Variants in CHD2 observed in about 807,000 individuals in gnomAD.
CHD2 encodes the protein chromodomain helicase DNA binding protein 2.
In CHD2, 28 loss-of-function variants were observed where a neutral mutation model predicts 243.9. The observed-to-expected ratio is 0.11, with a 90% CI of 0.09 to 0.16. CHD2 has a LOEUF of 0.16. Among genes scored for constraint, CHD2 ranks in the 10% least tolerant of loss-of-function variants. The probability of loss-of-function intolerance (pLI) is 1.00; values close to 1 mark genes in which losing one functional copy is unlikely to be tolerated. For synonymous variants in CHD2, 775 were observed against 779.0 expected (o/e 0.99, Z 0.09); for missense variants, 1,386 against 2,209.8 (o/e 0.63, Z 7.47).
chr15:92,904,869 G>A (rs1170752008), intron 2 of CHD2: 7 of 1,526,956 alleles, frequency 4.6e-6, no homozygotes, highest in South Asian at 1.2e-5. Flanking sequence ...TTTTATTTTA[G>A]TGAAAACCTC....
At chr15:92,979,975 AAAT>A (rs2053957123) in intron 22 of CHD2, among the ~76,000 whole-genome samples, 1 of 151,688 alleles carries the variant, frequency 6.6e-6, no homozygotes, top group African/African-American at 2.4e-5. Context: ...ATAATAATAA[AAAT>A]AAGTTTACAT....
chr15:92,971,451 G>C, intron 17 of CHD2, among the ~76,000 whole-genome samples: 1 of 149,506 alleles, frequency 6.7e-6, no homozygotes, highest in Admixed American at 7.6e-5. Context: ...ATGTATGTAT[G>C]TGTGTGTGTG....
Position 92,985,485 on chromosome 15 carries a change from C to T in CHD2, c.3238-13C>T, listed in dbSNP as rs368489730. ...CACTTGTTACAGTGTGACTTTGCCT[C>T]GATCTTTCTCAGGCTCAGACAAATG... is the stretch of plus-strand genomic sequence containing the variant. On this transcript the variant is annotated splice_polypyrimidine_tract_variant and intron_variant, in intron 25 of 38. Coordinates refer to ENST00000394196, the MANE Select transcript of CHD2 (RefSeq NM_001271.4). 3.7e-6 allele frequency: 6 copies of T among 1,601,914 alleles called. No homozygotes were observed. The East Asian group carries it at 6.7e-5, about 18-fold the overall frequency.
intron 16 of CHD2, among the ~76,000 whole-genome samples, chr15:92,959,110 G>T (rs1033773411): frequency 3.9e-5 from 6 of 152,148 alleles, no homozygotes. Flanking sequence ...TTAATTTATG[G>T]ATTTCTTTGT....
At chr15:92,936,779 T>A (rs1165087027) in intron 5 of CHD2, among the ~76,000 whole-genome samples, 1 of 152,112 alleles carries the variant, frequency 6.6e-6, no homozygotes, top group Non-Finnish European at 1.5e-5. Context: ...GAAATTCATA[T>A]TTTTTAGGCC....
At position 93,019,942 on chromosome 15, in the gene CHD2, A is replaced by T. The variant is rs1314593753; in HGVS notation, c.4907-70A>T. ...GAGCACGACTCCATCTCCAAAAAAA[A>T]AAAAATTGTAGTGAAAGTGAAATTC... is the stretch of plus-strand genomic sequence containing the variant. On this transcript the variant is annotated intron_variant, in intron 37 of 38. Transcript: ENST00000394196. The T allele has an allele frequency of 1.9e-6, 3 of 1,545,878 alleles. No individual in the cohort carries two copies. In the African/African-American group the frequency reaches 4.2e-5, roughly 21 times the overall value.
chr15:92,903,095 T>C (rs2052553491), intron 2 of CHD2, among the ~76,000 whole-genome samples: 1 of 152,226 alleles, frequency 6.6e-6, no homozygotes, highest in Admixed American at 6.5e-5. Context: ...TTTAAGACTC[T>C]TTGAAAAGAA....
At chr15:92,940,589 A>G (rs1168734998) in intron 7 of CHD2, among the ~76,000 whole-genome samples, 1 of 151,580 alleles carries the variant, frequency 6.6e-6, no homozygotes, top group Non-Finnish European at 1.5e-5. Flanking sequence ...AGAGATATTC[A>G]TAACTTATTC....
chr15:92,976,418 G>C (rs1018397193), intron 20 of CHD2, among the ~76,000 whole-genome samples: 2 of 152,230 alleles, frequency 1.3e-5, no homozygotes, highest in African/African-American at 4.8e-5. Context: ...ACAACTTGCT[G>C]TTCACGTCTT....
At chr15:92,988,948 T>C (rs1297909283) in intron 26 of CHD2, among the ~76,000 whole-genome samples, 2 of 152,004 alleles carry the variant, frequency 1.3e-5, no homozygotes, top group East Asian at 3.8e-4. Flanking sequence ...CCTTGTCTTA[T>C]AAGCCTACAT....
At chr15:92,968,664 G>A (rs959496703) in intron 17 of CHD2, among the ~76,000 whole-genome samples, 1 of 152,132 alleles carries the variant, frequency 6.6e-6, no homozygotes, top group African/African-American at 2.4e-5. Context: ...AGTTCATGTA[G>A]GAAAGGCAGA....
At chr15:92,985,319 A>T (rs1361743579) in intron 25 of CHD2, among the ~76,000 whole-genome samples, 179 bp from the exon 26 acceptor site, 1 of 152,222 alleles carries the variant, frequency 6.6e-6, no homozygotes, top group African/African-American at 2.4e-5. Context: ...TGAAAGTATG[A>T]CTGTCCTAAG....
At chr15:93,012,563 A>T in intron 36 of CHD2, 119 bp downstream of exon 36, 1 of 632,424 alleles carries the variant, frequency 1.6e-6, no homozygotes, top group Non-Finnish European at 2.6e-6. Context: ...TGCTGGTGCT[A>T]ATAGTCAAAC....
intron 27 of CHD2, among the ~76,000 whole-genome samples, chr15:92,992,075 G>A (rs771575653): frequency 2.0e-5 from 3 of 152,130 alleles, no homozygotes; most frequent in Non-Finnish European, 4.4e-5. Context: ...AAATGGTTCG[G>A]TACTTTACTT....
chr15:93,004,916 G>C (rs978618472), intron 34 of CHD2, among the ~76,000 whole-genome samples, 165 bp downstream of exon 34: 18 of 152,144 alleles, frequency 1.2e-4, no homozygotes. Flanking sequence ...TCAGCAGGCT[G>C]GCAGGAAGAG....
rs1403030851 is a variant in CHD2 at position 93,025,823 on chromosome 15, G to A, written c.*1118G>A. ...TGCTGCATTTCCTTCCCTTTGCACAGCTTGAAGAAATAGAGTAGACAGAAT... is the reference window on the plus strand; with the variant it reads ...TGCTGCATTTCCTTCCCTTTGCACAACTTGAAGAAATAGAGTAGACAGAAT... On this transcript the variant is annotated 3_prime_UTR_variant, in exon 39 of 39. Transcript: ENST00000394196. 1.3e-5 allele frequency: 2 copies of A among 152,104 alleles called. No individual in the cohort carries two copies. The allele number at this position is 152,104 out of a possible 1,614,324, so 9.4% of individuals were successfully genotyped here.
chr15:92,917,508 C>T (rs2052863271), intron 2 of CHD2, among the ~76,000 whole-genome samples: 1 of 152,156 alleles, frequency 6.6e-6, no homozygotes, highest in South Asian at 2.1e-4. Flanking sequence ...TTACGGTGAG[C>T]CGAGATCACG....
At chr15:93,009,704 T>C (rs1052179186) in intron 35 of CHD2, among the ~76,000 whole-genome samples, 15 of 152,242 alleles carry the variant, frequency 9.9e-5, no homozygotes, top group African/African-American at 3.6e-4. Context: ...TACAACTAAT[T>C]GGTTGGTTCT....
intron 35 of CHD2, among the ~76,000 whole-genome samples, chr15:93,010,356 G>A (rs973365929): frequency 2.6e-5 from 4 of 151,688 alleles, no homozygotes; most frequent in African/African-American, 7.3e-5. Context: ...TAGTGGGATT[G>A]CTGGATATAT....
Sources: allele counts gnomAD v4.1 joint callset (sites outside exome capture counted in the v4.1 genomes callset), GRCh38; gene constraint gnomAD v4.1.1; transcripts MANE v1.5; gene names NCBI Gene and HGNC (gene_info 2026-07-23, HGNC 2026-07-21).